The following SLC13A3 variants were observed in gnomAD, a reference collection of about 807,000 sequenced individuals.
The protein encoded by SLC13A3 is Na(+)/dicarboxylate cotransporter 3.
SLC13A3 carries 40 observed loss-of-function variants against 59.0 expected under a neutral mutation model. That is an observed-to-expected ratio of 0.68 (90% CI 0.53 to 0.88). The LOEUF is 0.88. SLC13A3 is among the 40% of genes least tolerant of loss of function. The pLI, the probability that SLC13A3 is intolerant of heterozygous loss-of-function variation, is 0.00. For missense variants in SLC13A3, 699 were observed against 783.2 expected (o/e 0.89, Z 1.28); for synonymous variants, 317 against 330.3 (o/e 0.96, Z 0.44).
At chr20:46,628,447 G>C (rs1042502405) in intron 1 of SLC13A3, among the ~76,000 whole-genome samples, 1 of 152,174 alleles carries the variant, frequency 6.6e-6, no homozygotes, top group Admixed American at 6.5e-5. Context: ...AAAATCTCTA[G>C]GGTTGAAGGA....
At chr20:46,597,485 A>G (rs556447224) in intron 4 of SLC13A3, among the ~76,000 whole-genome samples, 4 of 152,166 alleles carry the variant, frequency 2.6e-5, no homozygotes, top group Admixed American at 6.5e-5. Flanking sequence ...CACCCAGGCT[A>G]GAGTGCAATG....
rs2061979873 is a variant in SLC13A3, at chr20:46,566,332, G to A, written c.1391C>T (p.Pro464Leu). 1 of 1,612,982 alleles carries A rather than the reference G, an allele frequency of 6.2e-7. No homozygotes were observed. Among genetic ancestry groups the A allele is most frequent in the Non-Finnish European group, 8.5e-7 (1 of 1,179,120 alleles). ...AGTGATGAGCAGCACAGCCAGGGCG[G>A]GGGGCACATTCTCCAGGGGGTGCAG... The part of the protein sequence containing the change: ...GQLHPLENVP[P>L]ALAVLLITVV... Residue 464 changes from proline to leucine, a missense_variant, in exon 11 of 13, where the codon CCC (proline) becomes CTC (leucine). Transcript: ENST00000279027.
chr20:46,566,199 T>A, intron 11 of SLC13A3, 30 bp downstream of exon 11: 1 of 1,579,776 alleles, frequency 6.3e-7, no homozygotes, highest in Non-Finnish European at 8.7e-7. Flanking sequence ...GGGGGAGGGG[T>A]GCTCCCCTCT....
intron 4 of SLC13A3, among the ~76,000 whole-genome samples, chr20:46,598,227 G>A (rs1340082913): frequency 6.6e-6 from 1 of 152,172 alleles, no homozygotes; most frequent in Non-Finnish European, 1.5e-5. Flanking sequence ...ATGAGCTGGG[G>A]TCTGAGTAGC....
chr20:46,651,356 G>T lies in SLC13A3; in HGVS notation c.66C>A (p.Phe22Leu). 1 of 1,514,642 alleles carries T rather than the reference G, an allele frequency of 6.6e-7. No homozygotes were observed. Among genetic ancestry groups the T allele is most frequent in the Non-Finnish European group, 8.8e-7 (1 of 1,134,142 alleles). 93.8% of individuals were successfully genotyped at this position (1,514,642 alleles called of 1,614,324 possible). A position where few individuals can be genotyped will look rare whatever the true frequency, so the allele number is the denominator to read the frequency against. The change falls in exon 1 of 13, where the codon TTC (phenylalanine) becomes TTA (leucine). Residue 22 changes from phenylalanine to leucine, a missense_variant. By Grantham distance (22) the Phe-to-Leu change is conservative. Transcript: ENST00000279027. ...WSARRLLVLL[F>L]TPLALLPVVF... is the part of the protein sequence containing the mutation. ...CCACCGGCAGCAGCGCGAGCGGCGT[G>T]AACAGCAGCACCAGCAGCCGCCGCG... is the stretch of plus-strand genomic sequence containing the variant.
chr20:46,621,743 A>G (rs2062616931), intron 1 of SLC13A3, among the ~76,000 whole-genome samples: 1 of 152,214 alleles, frequency 6.6e-6, no homozygotes, highest in East Asian at 1.9e-4. Context: ...CATCACATCC[A>G]ATGTCACATG....
intron 2 of SLC13A3, among the ~76,000 whole-genome samples, chr20:46,611,753 A>G (rs1476725593): frequency 1.3e-5 from 2 of 152,104 alleles, no homozygotes; most frequent in African/African-American, 2.4e-5. Flanking sequence ...TCATGCCCGT[A>G]CCCTCCTGTC....
chr20:46,598,099 T>A (rs1012903714), intron 4 of SLC13A3, among the ~76,000 whole-genome samples: 115 of 152,210 alleles, frequency 7.6e-4, no homozygotes, highest in Admixed American at 7.8e-4. Context: ...TCAATTTTTT[T>A]AAATTAAAGT....
upstream of SLC13A3, among the ~76,000 whole-genome samples, chr20:46,654,542 T>C (rs865880851): frequency 2.6e-5 from 4 of 152,178 alleles, no homozygotes; most frequent in African/African-American, 9.7e-5. Flanking sequence ...TTTTTTTTTC[T>C]TGTTGACATG....
At chr20:46,676,834 G>T (rs1000800305) in intron 1 of SLC13A3, among the ~76,000 whole-genome samples, 2 of 152,228 alleles carry the variant, frequency 1.3e-5, no homozygotes, top group Non-Finnish European at 2.9e-5. Context: ...ACCATGAGAG[G>T]CAACTGCAGG....
chr20:46,652,722 T>C (rs79334388), upstream of SLC13A3, among the ~76,000 whole-genome samples: 1 of 151,690 alleles, frequency 6.6e-6, no homozygotes, highest in Admixed American at 6.6e-5. Flanking sequence ...TTAAGGGGGG[T>C]GAGTCACTTC....
chr20:46,674,328 A>G (rs2063109732), upstream of SLC13A3, among the ~76,000 whole-genome samples: 2 of 152,058 alleles, frequency 1.3e-5, no homozygotes, highest in South Asian at 4.1e-4. Flanking sequence ...GGGAAGTCAA[A>G]CAGTTTGGCC....
At chr20:46,574,667 A>G (rs412753) in intron 10 of SLC13A3, among the ~76,000 whole-genome samples, 123,477 of 151,960 alleles carry the variant, frequency 0.81, 50,348 homozygotes, top group East Asian at 0.88. Context: ...CTAGAGCCGA[A>G]CTGCCTGGAT....
rs1485249126 is a variant in SLC13A3 at position 46,651,355 on chromosome 20, T to C, written c.67A>G (p.Thr23Ala). 1 of 1,514,312 alleles carries C rather than the reference T, an allele frequency of 6.6e-7. No individual in the cohort carries two copies. The highest frequency in any genetic ancestry group is 2.7e-5 in the East Asian group (1 of 36,904). 93.8% of individuals were successfully genotyped at this position (1,514,312 alleles called of 1,614,324 possible). The change falls in exon 1 of 13, where the codon ACG (threonine) becomes GCG (alanine). Residue 23 changes from threonine to alanine, a missense_variant. Coordinates refer to ENST00000279027, the MANE Select transcript of SLC13A3 (RefSeq NM_022829.6). The stretch of plus-strand genomic sequence containing the variant: ...ACCACCGGCAGCAGCGCGAGCGGCG[T>C]GAACAGCAGCACCAGCAGCCGCCGC... ...SARRLLVLLFTPLALLPVVFA... is the reference protein window; with the variant it reads ...SARRLLVLLFAPLALLPVVFA...
intron 3 of SLC13A3, among the ~76,000 whole-genome samples, chr20:46,606,814 C>T (rs1439480460): frequency 1.3e-5 from 2 of 152,240 alleles, no homozygotes; most frequent in Non-Finnish European, 2.9e-5. Flanking sequence ...CTAATAGTGC[C>T]TCCCCACAGG....
At chr20:46,648,975 G>A (rs2042652532) in intron 1 of SLC13A3, among the ~76,000 whole-genome samples, 1 of 150,768 alleles carries the variant, frequency 6.6e-6, no homozygotes, top group Non-Finnish European at 1.5e-5. Flanking sequence ...ACATAAAGGA[G>A]TACAGACTCT....
At chr20:46,635,494 C>T (rs2062786787) in intron 1 of SLC13A3, among the ~76,000 whole-genome samples, 1 of 152,212 alleles carries the variant, frequency 6.6e-6, no homozygotes, top group Admixed American at 6.5e-5. Flanking sequence ...CAAATGTCAC[C>T]TCCTTTTGGT....
chr20:46,574,390 C>T (rs1034259973), intron 10 of SLC13A3, among the ~76,000 whole-genome samples: 1 of 152,152 alleles, frequency 6.6e-6, no homozygotes, highest in Admixed American at 6.5e-5. Context: ...GCTGGTGTGG[C>T]GATTCAGTGA....
At chr20:46,622,613 GGTGTGTGCGTGTGT>G (rs1385963110) in intron 1 of SLC13A3, among the ~76,000 whole-genome samples, 4 of 112,068 alleles carry the variant, frequency 3.6e-5, no homozygotes, top group East Asian at 3.9e-4. Context: ...ATTGGTGTGT[GGTGTGTGCGTGTGT>G]GTGTGTGTGT....
Sources: gnomAD v4.1 joint callset for allele counts (sites outside exome capture counted in the v4.1 genomes callset) on GRCh38, gnomAD v4.1.1 for gene constraint, MANE v1.5 for transcripts, NCBI Gene and HGNC (gene_info 2026-07-23, HGNC 2026-07-21) for gene names.